Variants in RARB observed in about 807,000 individuals in gnomAD.
The protein encoded by RARB is HBV-activated protein.
In RARB, 17 loss-of-function variants were observed where a neutral mutation model predicts 51.9. The observed-to-expected ratio is 0.33, with a 90% CI of 0.22 to 0.49. The LOEUF is 0.49. Ranked by LOEUF, RARB falls within the 20% of genes least tolerant of loss-of-function variation. The pLI is 0.99. For synonymous variants in RARB, 215 were observed against 195.4 expected, an observed-to-expected ratio of 1.10 and a Z score of -0.84; for missense variants, 369 against 550.8, an observed-to-expected ratio of 0.67 and a Z score of 3.30.
intron 3 of RARB, among the ~76,000 whole-genome samples, chr3:25,554,157 C>A (rs1213229046): frequency 6.7e-6 from 1 of 149,458 alleles, no homozygotes; most frequent in Non-Finnish European, 1.5e-5. Flanking sequence ...AGTATCTGTG[C>A]GTGGAGGTGT....
At chr3:25,552,204 G>T (rs897652392) in intron 3 of RARB, among the ~76,000 whole-genome samples, 2 of 152,120 alleles carry the variant, frequency 1.3e-5, no homozygotes, top group Non-Finnish European at 2.9e-5. Flanking sequence ...ACCAACCATT[G>T]TGCAATTTCC....
chr3:25,199,074 A>T (rs147445362), intron 5 of RARB, among the ~76,000 whole-genome samples: 2 of 152,270 alleles, frequency 1.3e-5, no homozygotes, highest in Admixed American at 6.6e-5. Flanking sequence ...GGATAAAGGA[A>T]ATGTGGTATG....
rs534305342 is a variant in RARB, at chr3:25,351,750, C to G, written c.179-109443C>G. On this transcript the variant is annotated intron_variant, in intron 5 of 11. Coordinates refer to the RARB transcript ENST00000383772. ...TGTTTTCCCTTGTTCCATCCCCATC[C>G]TCACCCATATTCATGCTTGTGTCAC... 7.2e-4 allele frequency among the ~76,000 whole-genome samples: 109 copies of G among 152,254 alleles called. 2 individuals carry two copies. In the South Asian group the frequency reaches 0.022, roughly 30 times the overall value.
At chr3:24,858,434 G>A (rs1434839510) in intron 1 of RARB, among the ~76,000 whole-genome samples, 1 of 152,134 alleles carries the variant, frequency 6.6e-6, no homozygotes, top group Non-Finnish European at 1.5e-5. Flanking sequence ...GAACCAAGAT[G>A]GCTGTACCCT....
intron 2 of RARB, among the ~76,000 whole-genome samples, chr3:24,912,896 T>TCCC (rs1443588543): frequency 6.6e-6 from 1 of 151,038 alleles, no homozygotes; most frequent in African/African-American, 2.4e-5. Flanking sequence ...AGGAAAATTA[T>TCCC]CCCATACAGG....
intron 2 of RARB, among the ~76,000 whole-genome samples, chr3:24,998,778 C>G (rs1297426020): frequency 1.3e-5 from 2 of 151,734 alleles, no homozygotes; most frequent in Non-Finnish European, 2.9e-5. Flanking sequence ...GTCCTAACAC[C>G]TTTTCAAAAA....
At chr3:25,279,319 A>T (rs950233245) in intron 5 of RARB, among the ~76,000 whole-genome samples, 1 of 152,192 alleles carries the variant, frequency 6.6e-6, no homozygotes, top group Admixed American at 6.5e-5. Flanking sequence ...CCTTGAGAAC[A>T]AAGGATACCT....
chr3:25,393,504 T>A (rs796191097), intron 5 of RARB, among the ~76,000 whole-genome samples: 17 of 152,290 alleles, frequency 1.1e-4, no homozygotes, highest in East Asian at 7.7e-4. Flanking sequence ...CAGCTGTGAA[T>A]CCATCTGTTC....
chr3:25,176,368 TC>T (rs1225637323), intron 5 of RARB, among the ~76,000 whole-genome samples: 5 of 125,880 alleles, frequency 4.0e-5, no homozygotes, highest in African/African-American at 1.4e-4. Flanking sequence ...CTTCCTTCCT[TC>T]CTTCCTTCCT....
chr3:25,123,360 A>G (rs777736264), intron 3 of RARB, among the ~76,000 whole-genome samples: 4 of 152,208 alleles, frequency 2.6e-5, no homozygotes, highest in Non-Finnish European at 5.9e-5. Flanking sequence ...TTTCTTTGGC[A>G]ATATGATTTC....
chr3:25,524,519 G>A (rs549061232), intron 3 of RARB, among the ~76,000 whole-genome samples: 35 of 152,168 alleles, frequency 2.3e-4, no homozygotes, highest in South Asian at 1.7e-3. Context: ...AAGTAATTGA[G>A]TACAAATCTT....
chr3:24,941,745 G>T (rs1312813351), intron 2 of RARB, among the ~76,000 whole-genome samples: 2 of 152,126 alleles, frequency 1.3e-5, no homozygotes, highest in African/African-American at 2.4e-5. Context: ...TTTTTCTGTG[G>T]ACTGTAGAAC....
intron 1 of RARB, among the ~76,000 whole-genome samples, chr3:24,832,705 A>T (rs747845338): frequency 8.1e-5 from 12 of 148,676 alleles, no homozygotes; most frequent in Non-Finnish European, 1.5e-4. Flanking sequence ...GTGGGAAAAT[A>T]AATGCAATAA....
At chr3:24,895,598 G>A (rs986305695) in intron 2 of RARB, among the ~76,000 whole-genome samples, 3 of 137,368 alleles carry the variant, frequency 2.2e-5, no homozygotes, top group African/African-American at 2.8e-5. Context: ...TTTCTCACTT[G>A]CTCCTTACAA....
intron 5 of RARB, among the ~76,000 whole-genome samples, chr3:25,253,921 G>T (rs1003305185): frequency 5.9e-5 from 9 of 152,250 alleles, no homozygotes; most frequent in Admixed American, 5.2e-4. Flanking sequence ...AGTTAGAAGG[G>T]CTAGGATATC....
At chr3:25,153,310 A>G (rs1700322523) in intron 4 of RARB, among the ~76,000 whole-genome samples, 1 of 152,218 alleles carries the variant, frequency 6.6e-6, no homozygotes, top group Non-Finnish European at 1.5e-5. Flanking sequence ...ACTTTTAACA[A>G]GCAATTTCCA....
chr3:25,405,715 G>A (rs1376805872), intron 5 of RARB, among the ~76,000 whole-genome samples: 2 of 152,216 alleles, frequency 1.3e-5, no homozygotes, highest in African/African-American at 4.8e-5. Context: ...GTGTTCAGTA[G>A]CTGCATGTGG....
chr3:25,162,720 T>G (rs910291021), intron 4 of RARB, among the ~76,000 whole-genome samples: 3 of 152,246 alleles, frequency 2.0e-5, no homozygotes, highest in African/African-American at 2.4e-5. Flanking sequence ...GCATAATGTT[T>G]TCAAGGTTCA....
chr3:25,487,118 G>A (rs984980557), intron 2 of RARB, among the ~76,000 whole-genome samples: 34 of 152,248 alleles, frequency 2.2e-4, no homozygotes, highest in Admixed American at 2.0e-3. Flanking sequence ...TGTCCCTGAT[G>A]CAGTCAGCTA....
Sources: gnomAD v4.1 joint callset for allele counts (sites outside exome capture counted in the v4.1 genomes callset) on GRCh38, gnomAD v4.1.1 for gene constraint, MANE v1.5 for transcripts, NCBI Gene and HGNC (gene_info 2026-07-23, HGNC 2026-07-21) for gene names.